Variants in BRF1 observed in about 807,000 individuals in gnomAD.
BRF1 encodes the protein transcription factor IIIB 90 kDa subunit.
Under a neutral mutation model 81.7 loss-of-function variants are expected in BRF1, and 59 were observed. The ratio of observed to expected loss-of-function variants is 0.72; its 90% CI spans 0.59 to 0.90. The LOEUF is 0.90. Among genes scored for constraint, BRF1 ranks in the 40% least tolerant of loss-of-function variants. BRF1 has a pLI of 0.00. For missense variants in BRF1, 1,050 were observed against 936.3 expected, an observed-to-expected ratio of 1.12 and a Z score of -1.58; for synonymous variants, 491 against 395.6, an observed-to-expected ratio of 1.24 and a Z score of -2.86.
intron 1 of BRF1, among the ~76,000 whole-genome samples, chr14:105,292,279 G>T (rs968365071): frequency 6.6e-6 from 1 of 152,020 alleles, no homozygotes; most frequent in African/African-American, 2.4e-5. Flanking sequence ...CACCTCCCGG[G>T]TTCAAGCGAT....
rs1431172087 is a variant in BRF1 at position 105,315,022 on chromosome 14, C to A, written c.-162+300G>T. The A allele has an allele frequency of 1.6e-6, 2 of 1,225,998 alleles. No individual in the cohort carries two copies. Among genetic ancestry groups the A allele is most frequent in the Non-Finnish European group, 2.1e-6 (2 of 965,470 alleles). The allele number at this position is 1,225,998 out of a possible 1,614,324, so 75.9% of individuals were successfully genotyped here. On this transcript the variant is annotated intron_variant, in intron 1 of 17. Coordinates refer to the BRF1 transcript ENST00000327359. This position sits in a 1 kb window ranked among gnomAD's most constrained non-coding sequence, Gnocchi z 4.4. ...ACCTGGGAGGTGGACGGCTCCAGCC[C>A]CAGCTGCGTGCCCAGGTACGCGCCG...
At position 105,226,092 on chromosome 14, in the gene BRF1, C is replaced by T. The variant is rs767342305; in HGVS notation, c.1025G>A (p.Gly342Asp). Residue 342 changes from glycine to aspartate, a missense_variant, in exon 10 of 18, where the codon GGC becomes GAC. Gly to Asp is a moderately conservative substitution (Grantham distance 94, BLOSUM62 -1). Coordinates refer to ENST00000547530, the MANE Select transcript of BRF1 (RefSeq NM_001519.4). ...ACCATCTTTTGCCAGGCTGGCCAGG[C>T]CCCCCTTGGCCTTTGGCCGGCTGTT... ...LENSRPKAKGGLASLAKDGST... is the reference protein window; with the variant it reads ...LENSRPKAKGDLASLAKDGST... 1.2e-6 allele frequency: 2 copies of T among 1,613,834 alleles called. No individual in the cohort carries two copies. Among genetic ancestry groups the T allele is most frequent in the Non-Finnish European group, 1.7e-6 (2 of 1,179,984 alleles).
chr14:105,304,096 AG>A (rs587643367), upstream of BRF1, among the ~76,000 whole-genome samples: 502 of 152,352 alleles, frequency 3.3e-3, 3 homozygotes, highest in East Asian at 0.014. Context: ...ACAGCGGTGC[AG>A]GACAGTCAGG....
At chr14:105,222,003 A>G in intron 10 of BRF1, 89 bp from the exon 11 acceptor site, 2 of 1,458,920 alleles carry the variant, frequency 1.4e-6, no homozygotes, top group East Asian at 5.0e-5. Flanking sequence ...GCTGCCAGGT[A>G]ACCCATAGAA....
chr14:105,225,742 G>C (rs1298357412), intron 10 of BRF1, among the ~76,000 whole-genome samples: 4 of 152,028 alleles, frequency 2.6e-5, no homozygotes, highest in Non-Finnish European at 5.9e-5. Flanking sequence ...CCACTTCCCA[G>C]GTTCAAATGA....
intron 5 of BRF1, among the ~76,000 whole-genome samples, chr14:105,242,971 C>T (rs1437915459): frequency 6.7e-6 from 1 of 149,826 alleles, no homozygotes; most frequent in Non-Finnish European, 1.5e-5. Flanking sequence ...AAAAAATGAG[C>T]TGGGCGTGGT....
intron 15 of BRF1, among the ~76,000 whole-genome samples, chr14:105,215,726 A>G (rs140488527): frequency 8.3e-5 from 5 of 60,444 alleles, no homozygotes; most frequent in African/African-American, 7.1e-4. Context: ...ACACACATGC[A>G]CACACACACA....
At chr14:105,221,426 C>G (rs151145788) in intron 11 of BRF1, among the ~76,000 whole-genome samples, 1,557 of 152,352 alleles carry the variant, frequency 0.01, 15 homozygotes, top group Non-Finnish European at 0.014. Context: ...ACGAGACTCA[C>G]TGCATTCTGG....
chr14:105,217,602 GT>G lies in BRF1; in HGVS notation c.1713del (p.Arg572GlufsTer14). 2 of 1,613,410 alleles carry G rather than the reference GT, an allele frequency of 1.2e-6. No homozygotes were observed. The highest frequency in any genetic ancestry group is 1.7e-6 in the Non-Finnish European group (2 of 1,179,998). ...CTTCTGCTGGCCGGCGTCCTCCTTC[GT>G]GACAGCTTCCTGGCACTGGCGCTAT... ...PEHSASARKL[S>X]RRRTPASRSG... On this transcript the variant is annotated frameshift_variant, in exon 15 of 18. Coordinates refer to ENST00000547530, the MANE Select transcript of BRF1 (RefSeq NM_001519.4). LOFTEE classifies it high-confidence loss of function.
rs1437527691 is a variant in BRF1 at position 105,269,910 on chromosome 14, G to C, written c.439+2811C>G. Among the ~76,000 whole-genome samples, 8 of 152,210 alleles carry C rather than the reference G, an allele frequency of 5.3e-5. No homozygotes were observed. Among genetic ancestry groups the C allele is most frequent in the Non-Finnish European group, 1.2e-4 (8 of 68,034 alleles). ...CACAAGGGAGGCAGGGCCATGGGCT[G>C]ACCCTGGGCTCTGCTCAGCTTCTCG... On this transcript the variant is annotated intron_variant, in intron 3 of 17. Transcript: ENST00000547530. This position sits in a 1 kb window ranked among gnomAD's most constrained non-coding sequence, Gnocchi z 5.0.
intron 5 of BRF1, chr14:105,241,644 A>C: frequency 5.0e-6 from 3 of 598,016 alleles, no homozygotes; most frequent in Non-Finnish European, 8.9e-6. Context: ...TGCTGCAGAC[A>C]CGCTAGGGCC....
chr14:105,217,359 G>A, intron 15 of BRF1, 185 bp downstream of exon 15: 6 of 920,798 alleles, frequency 6.5e-6, no homozygotes, highest in Non-Finnish European at 9.6e-6. Flanking sequence ...GCCAGGCCAA[G>A]GAGAGTTGAG....
At chr14:105,223,495 C>G (rs1273002801) in intron 10 of BRF1, among the ~76,000 whole-genome samples, 2 of 95,050 alleles carry the variant, frequency 2.1e-5, no homozygotes, top group African/African-American at 1.6e-4. Context: ...CACAAATGAG[C>G]AAACCATTGA....
chr14:105,307,347 A>G (rs1040770853), intron 1 of BRF1, among the ~76,000 whole-genome samples: 1 of 152,132 alleles, frequency 6.6e-6, no homozygotes, highest in African/African-American at 2.4e-5. Context: ...ACCACCCCCA[A>G]GCCCAGAGCC....
rs2054239707 is a variant in BRF1 at position 105,228,817 on chromosome 14, C to T, written c.788+3G>A. ...CCCCATGCCATGAATGAGAGCCCCT[C>T]ACCTCTTCCGCAGCGTGGACTCACA... On this transcript the variant is annotated splice_donor_region_variant and intron_variant, in intron 7 of 17. Coordinates refer to ENST00000547530, the MANE Select transcript of BRF1 (RefSeq NM_001519.4). 1 of 1,613,710 alleles carries T rather than the reference C, an allele frequency of 6.2e-7. No individual in the cohort carries two copies. Among genetic ancestry groups the T allele is most frequent in the African/African-American group, 1.3e-5 (1 of 74,938 alleles).
chr14:105,209,352 G>T lies in BRF1; in HGVS notation c.*1199C>A. ...TATTCTTCCCCCAAGCCCTCGAGAA[G>T]CCCTGGCAGGACCCAGGCTGGCTAC... On this transcript the variant is annotated 3_prime_UTR_variant, in exon 18 of 18. Transcript: ENST00000547530. The T allele has an allele frequency of 1.7e-6, 1 of 579,342 alleles. No individual in the cohort carries two copies. The highest frequency in any genetic ancestry group is 4.6e-4 in the Middle Eastern group (1 of 2,186). 35.9% of individuals were successfully genotyped at this position (579,342 alleles called of 1,614,324 possible). A position where few individuals can be genotyped will look rare whatever the true frequency, so the allele number is the denominator to read the frequency against.
intron 3 of BRF1, among the ~76,000 whole-genome samples, chr14:105,257,668 A>T (rs1319688162): frequency 6.6e-6 from 1 of 152,240 alleles, no homozygotes; most frequent in Admixed American, 6.5e-5. Flanking sequence ...AAGAGGCACT[A>T]TGAGAAGACC....
intron 11 of BRF1, among the ~76,000 whole-genome samples, chr14:105,220,650 G>A (rs587668034): frequency 1.3e-5 from 2 of 152,244 alleles, no homozygotes; most frequent in East Asian, 3.9e-4. Context: ...TGTCACCCCT[G>A]CCCAGCCCCA....
chr14:105,215,603 G>C (rs1256347073), intron 15 of BRF1, among the ~76,000 whole-genome samples: 1 of 139,726 alleles, frequency 7.2e-6, no homozygotes, highest in African/African-American at 2.7e-5. Flanking sequence ...CACACACACT[G>C]CATACACAGA....
Sources: gnomAD v4.1 joint callset for allele counts (sites outside exome capture counted in the v4.1 genomes callset) on GRCh38, gnomAD v4.1.1 for gene constraint, Gnocchi (gnomAD v3.1) non-coding constraint, MANE v1.5 for transcripts, NCBI Gene and HGNC (gene_info 2026-07-23, HGNC 2026-07-21) for gene names.